CCDC181: variants seen among roughly 807,000 people sequenced by gnomAD.
CCDC181 encodes the protein coiled-coil domain containing 181, also known as coiled-coil domain-containing protein 181.
Under a neutral mutation model 58.7 loss-of-function variants are expected in CCDC181, and 35 were observed. The observed-to-expected ratio is 0.60, with a 90% CI of 0.46 to 0.79. The LOEUF (loss-of-function observed/expected upper bound fraction) is 0.79, where lower values mean the gene tolerates loss of function less well. CCDC181 is among the 30% of genes least tolerant of loss of function. CCDC181 has a pLI of 0.00. For synonymous variants in CCDC181, 183 were observed against 197.5 expected (o/e 0.93, Z 0.62); for missense variants, 517 against 583.9 (o/e 0.89, Z 1.18).
rs148215959 is a variant in CCDC181 at position 169,421,523 on chromosome 1, C to T, written c.908G>A (p.Ser303Asn). The T allele has an allele frequency of 1.7e-3, 2,752 of 1,614,096 alleles. 11 individuals carry two copies. Among genetic ancestry groups the T allele is most frequent in the Non-Finnish European group, 1.7e-3 (2,041 of 1,180,016 alleles). Residue 303 changes from serine (S) to asparagine (N), a missense_variant, in exon 3 of 6, where the codon AGC (serine) becomes AAC (asparagine). Transcript: ENST00000367806. ...QPPLNRKTCP[S>N]SAVNSDRSKG... ...ACTTCGATCTGAGTTGACAGCAGAG[C>T]TTGGACAAGTCTTGCGGTTGAGTGG...
At chr1:169,456,701 G>C (rs906729249) in intron 2 of CCDC181, among the ~76,000 whole-genome samples, 1 of 152,154 alleles carries the variant, frequency 6.6e-6, no homozygotes, top group Non-Finnish European at 1.5e-5. Flanking sequence ...GAACTCTGTA[G>C]AGTTCCCACT....
chr1:169,454,841 TAAAGAA>T (rs773867307), intron 2 of CCDC181, among the ~76,000 whole-genome samples: 4 of 152,070 alleles, frequency 2.6e-5, no homozygotes, highest in African/African-American at 9.6e-5. Context: ...TACATGCCTT[TAAAGAA>T]AAAGTTTTAT....
Position 169,419,121 on chromosome 1 carries a change from CTTTT to C in CCDC181, c.1103_1106del (p.Lys368ArgfsTer6). ...CTTTAAATACTATGTCATTCTCTCT[CTTTT>C]TTTCTTTCTCTTCTTCTATTTTTCG... On this transcript the variant is annotated frameshift_variant, in exon 4 of 6. Coordinates refer to ENST00000367806, the MANE Select transcript of CCDC181 (RefSeq NM_001300969.2). LOFTEE classifies it high-confidence loss of function. The C allele has an allele frequency of 6.2e-7, 1 of 1,608,228 alleles. No homozygotes were observed. Among genetic ancestry groups the C allele is most frequent in the Non-Finnish European group, 8.5e-7 (1 of 1,178,722 alleles).
intron 4 of CCDC181, among the ~76,000 whole-genome samples, chr1:169,408,139 C>A (rs548987228): frequency 8.4e-4 from 128 of 152,330 alleles, no homozygotes; most frequent in Non-Finnish European, 6.6e-4. Context: ...ATCTCACCCC[C>A]ACAAAGCCCA....
Position 169,444,050 on chromosome 1 carries a change from A to G in CCDC181, c.-24+15747T>C, listed in dbSNP as rs560793647. On this transcript the variant is annotated intron_variant, in intron 2 of 6. Coordinates refer to the CCDC181 transcript ENST00000545005. ...CAGATCTGAGGCTGCTTGCAGTAAC[A>G]TTGATGTGAATGGTAAATACAGACG... 1.8e-4 allele frequency among the ~76,000 whole-genome samples: 28 copies of G among 152,326 alleles called. No individual in the cohort carries two copies. In the South Asian group the frequency reaches 5.6e-3, roughly 30 times the overall value.
rs1207373480 is a variant in CCDC181, at chr1:169,406,343, C to T, written c.1216-8952G>A. 2.0e-5 allele frequency among the ~76,000 whole-genome samples: 3 copies of T among 152,206 alleles called. No homozygotes were observed. The East Asian group carries it at 5.8e-4, about 29-fold the overall frequency. ...AATCATGCTGCTATAAAGACACATG[C>T]ACACATATGTTTATTGCAGCACTAT... is the stretch of plus-strand genomic sequence containing the variant. On this transcript the variant is annotated intron_variant, in intron 4 of 5. Coordinates refer to ENST00000367806, the MANE Select transcript of CCDC181 (RefSeq NM_001300969.2).
At chr1:169,418,927 G>T in intron 4 of CCDC181, 86 bp downstream of exon 4, 1 of 1,094,864 alleles carries the variant, frequency 9.1e-7, no homozygotes, top group Non-Finnish European at 1.4e-6. Context: ...TCCATAGGCT[G>T]TTAGTCTGAT....
intron 4 of CCDC181, among the ~76,000 whole-genome samples, chr1:169,408,161 T>A (rs1655772948): frequency 6.6e-6 from 1 of 152,150 alleles, no homozygotes; most frequent in Non-Finnish European, 1.5e-5. Flanking sequence ...CAAGCTAAGA[T>A]CCACTTGCTT....
chr1:169,457,111 G>C (rs1231511046), intron 2 of CCDC181, among the ~76,000 whole-genome samples: 1 of 152,114 alleles, frequency 6.6e-6, no homozygotes, highest in Non-Finnish European at 1.5e-5. Context: ...AGAAATGGCT[G>C]TTAGCTAACT....
chr1:169,459,159 G>A (rs1168550795), intron 2 of CCDC181, among the ~76,000 whole-genome samples: 1 of 151,908 alleles, frequency 6.6e-6, no homozygotes, highest in Non-Finnish European at 1.5e-5. Context: ...AAATAATCAT[G>A]GAACCAGAAT....
intron 4 of CCDC181, among the ~76,000 whole-genome samples, chr1:169,416,303 G>A (rs996592227): frequency 2.0e-5 from 3 of 152,146 alleles, no homozygotes; most frequent in African/African-American, 4.8e-5. Flanking sequence ...CATGGGTCAC[G>A]CCAGCCTTCT....
intron 2 of CCDC181, among the ~76,000 whole-genome samples, chr1:169,453,064 GAGAA>G (rs1332708843): frequency 1.3e-5 from 2 of 150,868 alleles, no homozygotes; most frequent in African/African-American, 4.9e-5. Context: ...AAATAGACTT[GAGAA>G]AGAATTGAAA....
chr1:169,411,726 A>G (rs912507878), intron 4 of CCDC181, among the ~76,000 whole-genome samples: 3 of 152,218 alleles, frequency 2.0e-5, no homozygotes, highest in Admixed American at 6.5e-5. Flanking sequence ...GGTTCAACAT[A>G]TGCAAATCGA....
chr1:169,414,721 C>T (rs1198665786), intron 4 of CCDC181, among the ~76,000 whole-genome samples: 2 of 152,090 alleles, frequency 1.3e-5, no homozygotes, highest in Non-Finnish European at 2.9e-5. Context: ...AAGGTCATTC[C>T]ACAATCTATA....
At chr1:169,426,497 C>T (rs577030986) in intron 1 of CCDC181, among the ~76,000 whole-genome samples, 36 of 152,280 alleles carry the variant, frequency 2.4e-4, no homozygotes, top group African/African-American at 8.7e-4. Context: ...ATTCCTTCCT[C>T]CCTGAGTGTC....
intron 5 of CCDC181, 75 bp downstream of exon 5, chr1:169,397,162 A>G (rs1170095247): frequency 3.0e-6 from 4 of 1,350,986 alleles, no homozygotes; most frequent in Non-Finnish European, 3.9e-6. Flanking sequence ...TTTTTTTCCA[A>G]TCTTAATTGA....
chr1:169,428,813 C>G (rs888198300), upstream of CCDC181, among the ~76,000 whole-genome samples: 2 of 152,104 alleles, frequency 1.3e-5, no homozygotes, highest in African/African-American at 4.8e-5. Context: ...GCCACCACAC[C>G]TGGCTAAGTT....
At chr1:169,403,696 C>G (rs936854124) in intron 4 of CCDC181, among the ~76,000 whole-genome samples, 1 of 152,122 alleles carries the variant, frequency 6.6e-6, no homozygotes, top group Non-Finnish European at 1.5e-5. Flanking sequence ...TAAATGCCCA[C>G]AAGAGAAAGC....
In CCDC181 at chr1:169,395,219, G is replaced by T; in HGVS notation, c.1371-13C>A. 1 of 1,605,052 alleles carries T rather than the reference G, an allele frequency of 6.2e-7. No homozygotes were observed. The highest frequency in any genetic ancestry group is 8.5e-7 in the Non-Finnish European group (1 of 1,176,164). On this transcript the variant is annotated splice_polypyrimidine_tract_variant and intron_variant, in intron 5 of 5. Transcript: ENST00000367806. ...CCTTCTTAACCATCTGTAGAAACAG[G>T]CATGATCAGATTTGGTGAGTATCAA...
Sources: gnomAD v4.1 joint callset for allele counts (sites outside exome capture counted in the v4.1 genomes callset) on GRCh38, gnomAD v4.1.1 for gene constraint, MANE v1.5 for transcripts, NCBI Gene and HGNC (gene_info 2026-07-23, HGNC 2026-07-21) for gene names.